The following PARD6G variants were observed in gnomAD, a reference collection of about 807,000 sequenced individuals.
The protein encoded by PARD6G is par-6 family cell polarity regulator gamma, also known as partitioning defective 6 homolog gamma.
In PARD6G, 7 loss-of-function variants were observed where a neutral mutation model predicts 10.7. The ratio of observed to expected loss-of-function variants is 0.66; its 90% confidence interval spans 0.37 to 1.23. PARD6G has a LOEUF of 1.23. PARD6G is among the 50% of genes most tolerant of loss of function. PARD6G has a pLI of 0.02. For synonymous variants in PARD6G, 287 were observed against 269.4 expected, an observed-to-expected ratio of 1.07 and a Z score of -0.64; for missense variants, 548 against 571.8, an observed-to-expected ratio of 0.96 and a Z score of 0.42.
intron 1 of PARD6G, among the ~76,000 whole-genome samples, chr18:80,214,683 A>G (rs1967144878): frequency 6.6e-6 from 1 of 152,162 alleles, no homozygotes; most frequent in African/African-American, 2.4e-5. Context: ...CAGAAAGAAA[A>G]AAGAATAAAG....
At chr18:80,212,278 C>G (rs1192493939) in intron 1 of PARD6G, among the ~76,000 whole-genome samples, 1 of 152,172 alleles carries the variant, frequency 6.6e-6, no homozygotes. Context: ...GCCTTGTTCC[C>G]TGAGCTGCTG....
chr18:80,171,485 A>G (rs1297444736), intron 2 of PARD6G: 1 of 152,254 alleles, frequency 6.6e-6, no homozygotes, highest in Non-Finnish European at 1.5e-5. Flanking sequence ...TTTTGTTTAA[A>G]ATTTTTGAGA....
At chr18:80,218,356 G>A (rs764283699) in intron 1 of PARD6G, among the ~76,000 whole-genome samples, 3 of 151,774 alleles carry the variant, frequency 2.0e-5, no homozygotes, top group Non-Finnish European at 4.4e-5. Flanking sequence ...TTCCAAACAG[G>A]AGAAATTGGC....
rs1431710594 is a variant in PARD6G at position 80,192,698 on chromosome 18, T to G, written c.295+10012A>C. On this transcript the variant is annotated intron_variant, in intron 2 of 2. Coordinates refer to ENST00000353265, the MANE Select transcript of PARD6G (RefSeq NM_032510.4). This position sits in a 1 kb window ranked among gnomAD's most constrained non-coding sequence, Gnocchi z 4.9. ...AACACCAAAGACAAGGAGGGAAGAA[T>G]GATAAGAGTGAAAGAAAAGCACACC... 6.6e-6 allele frequency among the ~76,000 whole-genome samples: 1 copy of G among 152,042 alleles called. No individual in the cohort carries two copies. The highest frequency in any genetic ancestry group is 2.4e-5 in the African/African-American group (1 of 41,392).
In PARD6G at chr18:80,219,288, A is replaced by C. The variant is rs556213936; in HGVS notation, c.73-16356T>G. ...CAGTGACGTGATCTCAGCTCACTGC[A>C]ACCTCTGCCTCCCGGGTTCAAGGGA... On this transcript the variant is annotated intron_variant, in intron 1 of 2. Transcript: ENST00000353265. 2.6e-5 allele frequency among the ~76,000 whole-genome samples: 4 copies of C among 152,310 alleles called. No homozygotes were observed. In the East Asian group the frequency reaches 7.7e-4, roughly 29 times the overall value.
At position 80,159,639 on chromosome 18, in the gene PARD6G, G is replaced by A. The variant is rs1257135910; in HGVS notation, c.*132C>T. On this transcript the variant is annotated 3_prime_UTR_variant, in exon 3 of 3. Coordinates refer to ENST00000353265, the MANE Select transcript of PARD6G (RefSeq NM_032510.4). ...AGGCAATACTTGTGTTTTTATATCC[G>A]GAAGTTGAAACAAAGAGCAGCGTTG... The A allele has an allele frequency of 7.9e-7, 1 of 1,261,108 alleles. No individual in the cohort carries two copies. Among genetic ancestry groups the A allele is most frequent in the African/African-American group, 1.6e-5 (1 of 63,562 alleles). 78.1% of individuals were successfully genotyped at this position (1,261,108 alleles called of 1,614,324 possible). A position where few individuals can be genotyped will look rare whatever the true frequency, so the allele number is the denominator to read the frequency against.
In PARD6G at chr18:80,233,109, C is replaced by T. The variant is rs183852492; in HGVS notation, c.72+14168G>A. ...CCTGAGGAGTGGAGTGGGGCTTCGT[C>T]AACATACCATTTATTTCAATTGCAT... On this transcript the variant is annotated intron_variant, in intron 1 of 2. Coordinates refer to ENST00000353265, the MANE Select transcript of PARD6G (RefSeq NM_032510.4). Among the ~76,000 whole-genome samples the T allele has an allele frequency of 6.4e-4, 98 of 152,282 alleles. 1 individual carries two copies. Among genetic ancestry groups the T allele is most frequent in the African/African-American group, 2.4e-3 (98 of 41,554 alleles).
intron 2 of PARD6G, among the ~76,000 whole-genome samples, chr18:80,185,631 C>A (rs1330261121): frequency 1.3e-5 from 2 of 151,794 alleles, no homozygotes; most frequent in Non-Finnish European, 2.9e-5. Context: ...CACACACATG[C>A]ACCCTCACAC....
At position 80,231,242 on chromosome 18, in the gene PARD6G, G is replaced by T. The variant is rs1260817636; in HGVS notation, c.72+16035C>A. 6.6e-5 allele frequency among the ~76,000 whole-genome samples: 10 copies of T among 152,238 alleles called. No individual in the cohort carries two copies. Among genetic ancestry groups the T allele is most frequent in the Non-Finnish European group, 1.5e-4 (10 of 68,046 alleles). Reference sequence around the variant, plus strand: ...TAGGGCCAGGGGAAAGGTGCTGGGGGTTGGCCTGGGCCCAAGTGTGTGAGG... The same window carrying T: ...TAGGGCCAGGGGAAAGGTGCTGGGGTTTGGCCTGGGCCCAAGTGTGTGAGG... On this transcript the variant is annotated intron_variant, in intron 1 of 2. Coordinates refer to ENST00000353265, the MANE Select transcript of PARD6G (RefSeq NM_032510.4). This position sits in a 1 kb window ranked among gnomAD's most constrained non-coding sequence, Gnocchi z 4.2.
intron 2 of PARD6G, among the ~76,000 whole-genome samples, chr18:80,178,854 G>A (rs1048080961): frequency 2.0e-5 from 3 of 152,144 alleles, no homozygotes; most frequent in African/African-American, 7.2e-5. Context: ...GTAGGAGCAG[G>A]TCCACCCAAA....
intron 2 of PARD6G, among the ~76,000 whole-genome samples, chr18:80,199,413 C>CT (rs1343304707): frequency 1.3e-5 from 2 of 152,194 alleles, no homozygotes; most frequent in Non-Finnish European, 2.9e-5. Context: ...CATGCGCACA[C>CT]TTTTTTATCC....
chr18:80,218,517 C>CTG (rs1967194782), intron 1 of PARD6G, among the ~76,000 whole-genome samples: 1 of 152,230 alleles, frequency 6.6e-6, no homozygotes, highest in African/African-American at 2.4e-5. Context: ...TTGGGCAGCT[C>CTG]TGCCCCTGTG....
intron 1 of PARD6G, among the ~76,000 whole-genome samples, chr18:80,205,223 A>G (rs921147248): frequency 3.3e-5 from 5 of 152,198 alleles, no homozygotes; most frequent in Non-Finnish European, 7.3e-5. Flanking sequence ...TCACCCAAGG[A>G]TGACACTGGT....
chr18:80,225,924 T>G (rs1967283929), intron 1 of PARD6G, among the ~76,000 whole-genome samples: 1 of 152,124 alleles, frequency 6.6e-6, no homozygotes, highest in Non-Finnish European at 1.5e-5. Flanking sequence ...CACGGATGTC[T>G]AACTCTGCAC....
rs558616843 is a variant in PARD6G, at chr18:80,239,055, G to T, written c.72+8222C>A. 3.8e-4 allele frequency among the ~76,000 whole-genome samples: 58 copies of T among 152,280 alleles called. No individual in the cohort carries two copies. In the South Asian group the frequency reaches 0.012, roughly 30 times the overall value. On this transcript the variant is annotated intron_variant, in intron 1 of 2. Coordinates refer to ENST00000353265, the MANE Select transcript of PARD6G (RefSeq NM_032510.4). ...AAACCAAGCAGATCTGCTCTGGTTG[G>T]GGCTGGGGAGTGGAGCCCTCCCCTC...
intron 1 of PARD6G, among the ~76,000 whole-genome samples, chr18:80,233,056 C>T (rs1174558162): frequency 6.6e-6 from 1 of 151,324 alleles, no homozygotes; most frequent in South Asian, 2.1e-4. Context: ...CAGAGCTCCA[C>T]ACACGCAGGG....
chr18:80,178,777 GA>G (rs2052831152), intron 2 of PARD6G, among the ~76,000 whole-genome samples: 1 of 152,172 alleles, frequency 6.6e-6, no homozygotes, highest in South Asian at 2.1e-4. Context: ...AATCTGGGCA[GA>G]TGGACACATG....
intron 1 of PARD6G, among the ~76,000 whole-genome samples, chr18:80,239,977 C>T (rs562712244): frequency 5.5e-4 from 83 of 152,192 alleles, no homozygotes; most frequent in African/African-American, 1.9e-3. Flanking sequence ...GGAGAGCCGG[C>T]ATGTGCAGAG....
intron 1 of PARD6G, among the ~76,000 whole-genome samples, chr18:80,233,106 C>T (rs771106068): frequency 2.6e-5 from 4 of 152,296 alleles, no homozygotes; most frequent in African/African-American, 4.8e-5. Flanking sequence ...AGTGGGGCTT[C>T]GTCAACATAC....
Sources: allele counts gnomAD v4.1 joint callset (sites outside exome capture counted in the v4.1 genomes callset), GRCh38; gene constraint gnomAD v4.1.1; non-coding constraint Gnocchi (gnomAD v3.1); transcripts MANE v1.5; gene names NCBI Gene and HGNC (gene_info 2026-07-23, HGNC 2026-07-21).